MYO16: variants seen among roughly 807,000 people sequenced by gnomAD.
The protein encoded by MYO16 is myosin XVI.
A neutral mutation model predicts 205.3 loss-of-function variants in MYO16; 94 were observed. That is an observed-to-expected ratio of 0.46 (90% confidence interval 0.39 to 0.54). The LOEUF is 0.54. Ranked by LOEUF, MYO16 falls within the 20% of genes least tolerant of loss-of-function variation. The pLI, the probability that MYO16 is intolerant of heterozygous loss-of-function variation, is 0.00. For missense variants in MYO16, 2,315 were observed against 2,387.5 expected, an observed-to-expected ratio of 0.97 and a Z score of 0.63; for synonymous variants, 988 against 954.0, an observed-to-expected ratio of 1.04 and a Z score of -0.66.
intron 12 of MYO16, among the ~76,000 whole-genome samples, chr13:108,879,380 T>C (rs777933374): frequency 3.9e-5 from 6 of 152,020 alleles, no homozygotes; most frequent in Non-Finnish European, 1.5e-5. Flanking sequence ...TTTATTATTA[T>C]ACTTTAAGTT....
chr13:108,795,150 C>T (rs9559413), intron 6 of MYO16, among the ~76,000 whole-genome samples: 55,354 of 150,930 alleles, frequency 0.37, 10,499 homozygotes, highest in South Asian at 0.43. Flanking sequence ...AGTCTAACTT[C>T]AAAATGTTAT....
chr13:108,630,595 T>C (rs1197788853), intron 1 of MYO16, among the ~76,000 whole-genome samples: 2 of 152,234 alleles, frequency 1.3e-5, no homozygotes, highest in Non-Finnish European at 2.9e-5. Flanking sequence ...AAAAATGGCT[T>C]GCTGGATATA....
chr13:109,023,630 C>CT (rs1886211280), intron 23 of MYO16, among the ~76,000 whole-genome samples: 1 of 94,754 alleles, frequency 1.1e-5, no homozygotes, highest in African/African-American at 3.8e-5. Flanking sequence ...AATATATAGA[C>CT]AAATATATAT....
intron 22 of MYO16, among the ~76,000 whole-genome samples, chr13:109,019,364 A>G (rs1456517524): frequency 6.6e-6 from 1 of 152,168 alleles, no homozygotes; most frequent in Non-Finnish European, 1.5e-5. Flanking sequence ...AATATTTTAT[A>G]TGGATTATAG....
At chr13:108,858,416 AC>A (rs778759165) in intron 11 of MYO16, among the ~76,000 whole-genome samples, 2 of 152,152 alleles carry the variant, frequency 1.3e-5, no homozygotes, top group Non-Finnish European at 2.9e-5. Flanking sequence ...AGCTCTTCCA[AC>A]CTGCACGTCT....
At chr13:109,077,621 G>A (rs746690343) in intron 27 of MYO16, among the ~76,000 whole-genome samples, 34 of 152,128 alleles carry the variant, frequency 2.2e-4, no homozygotes, top group Non-Finnish European at 3.5e-4. Context: ...TATTTTTAAG[G>A]TTTTACTCTT....
At chr13:108,525,094 A>T in the MYO16 span, among the ~76,000 whole-genome samples, 2 of 152,224 alleles carry the variant, frequency 1.3e-5, no homozygotes, top group Non-Finnish European at 1.5e-5. Context: ...TCCACTCAAC[A>T]CACAGACTTT....
At chr13:108,563,679 A>C in the MYO16 span, among the ~76,000 whole-genome samples, 8 of 152,138 alleles carry the variant, frequency 5.3e-5, no homozygotes, top group Admixed American at 5.2e-4. Flanking sequence ...TTTCATTCTT[A>C]TTTATGGCTT....
At chr13:108,992,197 G>C (rs1316391819) in intron 20 of MYO16, among the ~76,000 whole-genome samples, 179 bp from the exon 21 acceptor site, 1 of 151,932 alleles carries the variant, frequency 6.6e-6, no homozygotes, top group African/African-American at 2.4e-5. Flanking sequence ...TAACAGTTTT[G>C]GGGGGGCTAA....
intron 24 of MYO16, among the ~76,000 whole-genome samples, chr13:109,049,584 A>T (rs1566481152): frequency 1.3e-5 from 2 of 151,272 alleles, no homozygotes; most frequent in Non-Finnish European, 3.0e-5. Context: ...TTCTTTTTAA[A>T]TTTTTTTTTG....
chr13:108,904,705 A>G (rs1198773975), intron 15 of MYO16, among the ~76,000 whole-genome samples: 1 of 152,176 alleles, frequency 6.6e-6, no homozygotes, highest in East Asian at 1.9e-4. Context: ...CTTCAAGAAA[A>G]AAAAAGTTCC....
intron 21 of MYO16, among the ~76,000 whole-genome samples, chr13:108,996,053 A>G (rs1205348915): frequency 6.6e-6 from 1 of 152,198 alleles, no homozygotes; most frequent in East Asian, 1.9e-4. Flanking sequence ...AACTAGAAAT[A>G]CAGTTTGACC....
intron 4 of MYO16, among the ~76,000 whole-genome samples, chr13:108,782,702 T>G (rs1037108100): frequency 1.3e-5 from 2 of 152,134 alleles, no homozygotes; most frequent in Non-Finnish European, 2.9e-5. Context: ...AGGGTCCCCG[T>G]GCTGTTTGCA....
chr13:109,035,436 C>G, intron 23 of MYO16, among the ~76,000 whole-genome samples: 1 of 152,120 alleles, frequency 6.6e-6, no homozygotes, highest in East Asian at 1.9e-4. Flanking sequence ...GTAATCCCAA[C>G]ACTTTGGGAG....
intron 33 of MYO16, among the ~76,000 whole-genome samples, chr13:109,168,221 T>C (rs553749417): frequency 2.6e-5 from 4 of 152,260 alleles, no homozygotes; most frequent in African/African-American, 9.6e-5. Flanking sequence ...AAATAAACTT[T>C]ATTTAATTAT....
At chr13:109,068,757 A>G (rs1014102627) in intron 27 of MYO16, among the ~76,000 whole-genome samples, 3 of 151,942 alleles carry the variant, frequency 2.0e-5, no homozygotes, top group Admixed American at 6.6e-5. Context: ...ATGCTCAGCT[A>G]ATTTTGTATT....
the MYO16 span, among the ~76,000 whole-genome samples, chr13:108,510,261 T>A: frequency 6.6e-6 from 1 of 151,728 alleles, no homozygotes; most frequent in Non-Finnish European, 1.5e-5. Flanking sequence ...GGACTACAGG[T>A]GCCCGCCATC....
chr13:109,151,651 A>T (rs1459908278), intron 32 of MYO16, among the ~76,000 whole-genome samples: 1 of 152,256 alleles, frequency 6.6e-6, no homozygotes, highest in African/African-American at 2.4e-5. Context: ...GGAAGAAGTG[A>T]TATATGCACA....
In MYO16 at chr13:108,770,582, T is replaced by C. The variant is rs554471454; in HGVS notation, c.508-15053T>C. On this transcript the variant is annotated intron_variant, in intron 4 of 34. Transcript: ENST00000457511. ...ATGGCTGCTTGCCTTTTCCAGTTCA[T>C]ATCTTAAAGCTCAAAGTTACCACCT... 7.9e-5 allele frequency among the ~76,000 whole-genome samples: 12 copies of C among 152,338 alleles called. 1 individual carries two copies. Among genetic ancestry groups the C allele is most frequent in the African/African-American group, 1.9e-4 (8 of 41,576 alleles).
Sources: allele counts gnomAD v4.1 joint callset (sites outside exome capture counted in the v4.1 genomes callset), GRCh38; gene constraint gnomAD v4.1.1; transcripts MANE v1.5; gene names NCBI Gene and HGNC (gene_info 2026-07-23, HGNC 2026-07-21).